Variants in EPHA4 observed in about 807,000 individuals in gnomAD.
The protein encoded by EPHA4 is ephrin type-A receptor 4.
In EPHA4, 19 loss-of-function variants were observed where a neutral mutation model predicts 108.3. The ratio of observed to expected loss-of-function variants is 0.18; its 90% CI spans 0.12 to 0.26. The LOEUF is 0.26. EPHA4 is among the 10% of genes least tolerant of loss of function. EPHA4 has a pLI of 1.00. For missense variants in EPHA4, 917 were observed against 1,254.0 expected (o/e 0.73, Z 4.06); for synonymous variants, 449 against 455.5 (o/e 0.99, Z 0.18).
chr2:221,518,821 T>A (rs1471567599), intron 3 of EPHA4, among the ~76,000 whole-genome samples: 1 of 152,174 alleles, frequency 6.6e-6, no homozygotes, highest in African/African-American at 2.4e-5. Context: ...GCAGGTCTGC[T>A]GATAATACTT....
chr2:221,567,271 T>C (rs1226428492), intron 2 of EPHA4, among the ~76,000 whole-genome samples: 2 of 152,184 alleles, frequency 1.3e-5, no homozygotes, highest in African/African-American at 4.8e-5. Context: ...GCAGTTCTAA[T>C]ACATTTTAAC....
intron 3 of EPHA4, among the ~76,000 whole-genome samples, chr2:221,508,208 G>A (rs1692690515): frequency 6.6e-6 from 1 of 152,180 alleles, no homozygotes; most frequent in South Asian, 2.1e-4. Context: ...GGATGCTAAA[G>A]GGACAAATCA....
At chr2:221,472,363 A>G (rs948717068) in intron 5 of EPHA4, among the ~76,000 whole-genome samples, 1 of 151,316 alleles carries the variant, frequency 6.6e-6, no homozygotes, top group Non-Finnish European at 1.5e-5. Context: ...GCAGTATGTT[A>G]TCTAGAAAAA....
At chr2:221,437,914 G>C (rs1690296993) in intron 11 of EPHA4, among the ~76,000 whole-genome samples, 1 of 150,572 alleles carries the variant, frequency 6.6e-6, no homozygotes, top group Non-Finnish European at 1.5e-5. Context: ...CGACGATACA[G>C]AGACTCCGTC....
chr2:221,481,546 C>T (rs971998700), intron 5 of EPHA4, among the ~76,000 whole-genome samples: 3 of 151,852 alleles, frequency 2.0e-5, no homozygotes, highest in South Asian at 4.2e-4. Context: ...CCCAGCTACT[C>T]GGGAGGCTGA....
At chr2:221,523,094 C>T (rs909237680) in intron 3 of EPHA4, among the ~76,000 whole-genome samples, 2 of 151,596 alleles carry the variant, frequency 1.3e-5, no homozygotes, top group Non-Finnish European at 2.9e-5. Flanking sequence ...TGTCCTTATG[C>T]AGCATTTGAA....
chr2:221,441,905 G>T (rs996584218), intron 11 of EPHA4, among the ~76,000 whole-genome samples: 17 of 152,156 alleles, frequency 1.1e-4, no homozygotes, highest in African/African-American at 3.6e-4. Context: ...AAGACTACAG[G>T]TATGAGTGAT....
intron 12 of EPHA4, 99 bp from the exon 13 acceptor site, chr2:221,436,707 G>T: frequency 1.7e-6 from 2 of 1,196,948 alleles, no homozygotes; most frequent in Non-Finnish European, 2.4e-6. Context: ...ATCTGTATCC[G>T]GTATGCAATG....
At chr2:221,478,223 A>C (rs60565573) in intron 5 of EPHA4, among the ~76,000 whole-genome samples, 2,204 of 152,040 alleles carry the variant, frequency 0.014, 59 homozygotes, top group African/African-American at 0.05. Context: ...TTTTTAACAA[A>C]AAAAAAATAT....
chr2:221,471,432 C>T (rs1215402399), intron 5 of EPHA4, among the ~76,000 whole-genome samples: 2 of 152,062 alleles, frequency 1.3e-5, no homozygotes, highest in African/African-American at 4.8e-5. Flanking sequence ...GAAATAGTTC[C>T]ACAGCATGAT....
intron 11 of EPHA4, among the ~76,000 whole-genome samples, chr2:221,441,186 T>C (rs1386883027): frequency 1.4e-5 from 2 of 144,102 alleles, no homozygotes; most frequent in Admixed American, 1.4e-4. Flanking sequence ...TCTCATTTTT[T>C]CTTTTCTTTT....
At chr2:221,436,984 C>G in intron 12 of EPHA4, 77 bp downstream of exon 12, 1 of 1,080,616 alleles carries the variant, frequency 9.3e-7, no homozygotes, top group East Asian at 2.4e-5. Context: ...TACCACCGAA[C>G]ACAACAAACA....
chr2:221,558,779 G>A (rs546818741), intron 3 of EPHA4, among the ~76,000 whole-genome samples: 1 of 152,062 alleles, frequency 6.6e-6, no homozygotes, highest in South Asian at 2.1e-4. Flanking sequence ...ATCAGAAAAA[G>A]GACAATAATT....
At chr2:221,420,733 CA>C in intron 17 of EPHA4, among the ~76,000 whole-genome samples, 181 bp from the exon 18 acceptor site, 1 of 151,554 alleles carries the variant, frequency 6.6e-6, no homozygotes, top group East Asian at 1.9e-4. Flanking sequence ...ATTATAAGAG[CA>C]AAAAAAACCT....
Position 221,435,397 on chromosome 2 carries a change from G to A in EPHA4, c.2346+1002C>T, listed in dbSNP as rs185955787. On this transcript the variant is annotated intron_variant, in intron 13 of 17. Coordinates refer to ENST00000281821, the MANE Select transcript of EPHA4 (RefSeq NM_004438.5). ...CACAAAGATCTATTCTTTTCTAAAC[G>A]AATGGACTTGGAATTCAAAAGAGGA... Among the ~76,000 whole-genome samples, 4 of 139,090 alleles carry A rather than the reference G, an allele frequency of 2.9e-5. No individual in the cohort carries two copies. In the East Asian group the frequency reaches 9.1e-4, roughly 32 times the overall value. 91.2% of individuals were successfully genotyped at this position (139,090 alleles called of 152,430 possible). A position where few individuals can be genotyped will look rare whatever the true frequency, so the allele number is the denominator to read the frequency against.
chr2:221,482,654 A>T lies in EPHA4; in HGVS notation c.1016T>A (p.Val339Asp). The T allele has an allele frequency of 6.2e-7, 1 of 1,602,030 alleles. No individual in the cohort carries two copies. Among genetic ancestry groups the T allele is most frequent in the Non-Finnish European group, 8.5e-7 (1 of 1,169,774 alleles). The change falls in exon 5 of 18, where the codon GTC becomes GAC. Residue 339 changes from valine (V) to aspartate (D), a missense_variant. By Grantham distance (152) the Val-to-Asp change is radical. Transcript: ENST00000281821. The stretch of plus-strand genomic sequence containing the variant: ...TTCCAAGTTCACAGATGTCTCGTTG[A>T]CATTTGAAATCAAGTTCAGGGGAGC... The part of the protein sequence containing the change: ...PSAPLNLISN[V>D]NETSVNLEWS...
intron 1 of EPHA4, among the ~76,000 whole-genome samples, chr2:221,570,747 A>AATGG (rs1261129821): frequency 6.6e-6 from 1 of 152,064 alleles, no homozygotes; most frequent in South Asian, 2.1e-4. Context: ...TGGAAAGATG[A>AATGG]ATGGATGGAT....
intron 3 of EPHA4, among the ~76,000 whole-genome samples, chr2:221,558,548 A>G (rs918030285): frequency 6.6e-6 from 1 of 152,142 alleles, no homozygotes; most frequent in African/African-American, 2.4e-5. Flanking sequence ...GCTTTTTCCT[A>G]GAGGCTCAGA....
chr2:221,436,271 T>C, intron 13 of EPHA4, 128 bp downstream of exon 13: 1 of 776,478 alleles, frequency 1.3e-6, no homozygotes, highest in Non-Finnish European at 2.0e-6. Context: ...GATGCAGGAA[T>C]ATGAGGAGGC....
Sources: allele counts gnomAD v4.1 joint callset (sites outside exome capture counted in the v4.1 genomes callset), GRCh38; gene constraint gnomAD v4.1.1; transcripts MANE v1.5; gene names NCBI Gene and HGNC (gene_info 2026-07-23, HGNC 2026-07-21).